The following KHDRBS3 variants were observed in gnomAD, a reference collection of about 807,000 sequenced individuals.
KHDRBS3 encodes the protein KH RNA binding domain containing, signal transduction associated 3.
A neutral mutation model predicts 45.6 loss-of-function variants in KHDRBS3; 23 were observed. The observed-to-expected ratio is 0.50, with a 90% CI of 0.36 to 0.72. The LOEUF is 0.72. KHDRBS3 is among the 30% of genes least tolerant of loss of function. The pLI, the probability that KHDRBS3 is intolerant of heterozygous loss-of-function variation, is 0.00. For missense variants in KHDRBS3, 352 were observed against 424.8 expected (o/e 0.83, Z 1.51); for synonymous variants, 162 against 156.5 (o/e 1.04, Z -0.26).
chr8:135,634,408 T>G (rs1400408028), intron 7 of KHDRBS3, among the ~76,000 whole-genome samples: 1 of 152,230 alleles, frequency 6.6e-6, no homozygotes, highest in African/African-American at 2.4e-5. Context: ...CTGATAGGAT[T>G]GCTGAATCTT....
At position 135,528,212 on chromosome 8, in the gene KHDRBS3, T is replaced by C. The variant is rs565252805; in HGVS notation, c.207+6857T>C. Among the ~76,000 whole-genome samples the C allele has an allele frequency of 1.2e-4, 18 of 152,358 alleles. 1 individual carries two copies. The South Asian group carries it at 3.5e-3, about 30-fold the overall frequency. On this transcript the variant is annotated intron_variant, in intron 2 of 8. Coordinates refer to ENST00000355849, the MANE Select transcript of KHDRBS3 (RefSeq NM_006558.3). ...GAATCTGAATGTTGGGAATGTGATA[T>C]ATTTGTTCTCTTCATATAAATGGTT... is the stretch of plus-strand genomic sequence containing the variant.
intron 8 of KHDRBS3, among the ~76,000 whole-genome samples, chr8:135,645,992 A>ATTTTTTTTTTTTTTTTT (rs57082119): frequency 2.0e-5 from 2 of 100,688 alleles, no homozygotes; most frequent in Non-Finnish European, 3.7e-5. Flanking sequence ...TGCACCTTGG[A>ATTTTTTTTTTTTTTTTT]TTTTTTTTTT....
intron 1 of KHDRBS3, among the ~76,000 whole-genome samples, chr8:135,518,260 G>A (rs911433869): frequency 3.3e-5 from 5 of 151,956 alleles, no homozygotes; most frequent in African/African-American, 4.8e-5. Flanking sequence ...TGCAAGCTCC[G>A]CCTCCCGTGT....
intron 7 of KHDRBS3, among the ~76,000 whole-genome samples, chr8:135,630,797 G>C (rs185854254): frequency 2.0e-5 from 3 of 152,262 alleles, no homozygotes; most frequent in Admixed American, 2.0e-4. Flanking sequence ...TGGTACACCT[G>C]TATAAGGCAC....
chr8:135,505,357 A>G (rs970629512), intron 1 of KHDRBS3, among the ~76,000 whole-genome samples: 3 of 152,100 alleles, frequency 2.0e-5, no homozygotes, highest in African/African-American at 7.2e-5. Flanking sequence ...TGGCCTGTCT[A>G]CCACTTCCCT....
chr8:135,652,729 G>A (rs889437152), intron 4 of KHDRBS3, among the ~76,000 whole-genome samples: 10 of 152,146 alleles, frequency 6.6e-5, no homozygotes, highest in Admixed American at 5.2e-4. Flanking sequence ...TGCCATCTTC[G>A]CAGCTCTACT....
chr8:135,462,050 C>T (rs868448161), intron 1 of KHDRBS3, among the ~76,000 whole-genome samples: 108 of 152,096 alleles, frequency 7.1e-4, no homozygotes, highest in African/African-American at 2.3e-3. Context: ...TTTGGGGACC[C>T]CTTTTGGAAA....
chr8:135,649,198 T>C (rs1055134668), downstream of KHDRBS3, among the ~76,000 whole-genome samples: 1 of 152,222 alleles, frequency 6.6e-6, no homozygotes, highest in East Asian at 1.9e-4. Flanking sequence ...TGATTTTTTT[T>C]CTAAAGCATC....
intron 1 of KHDRBS3, among the ~76,000 whole-genome samples, chr8:135,470,546 C>G (rs1404075306): frequency 6.6e-6 from 1 of 150,662 alleles, no homozygotes. Flanking sequence ...TTTCTCATCC[C>G]TTTTTCCCCC....
chr8:135,458,735 G>A (rs1467449347), intron 1 of KHDRBS3: 1 of 398,454 alleles, frequency 2.5e-6, no homozygotes, highest in East Asian at 7.1e-5. Context: ...GTTCGGAATA[G>A]TGGTGAAGGG....
Position 135,640,197 on chromosome 8 carries a change from A to G in KHDRBS3, c.891-4862A>G, listed in dbSNP as rs149027055. 3.3e-5 allele frequency among the ~76,000 whole-genome samples: 5 copies of G among 152,292 alleles called. No homozygotes were observed. The East Asian group carries it at 9.7e-4, about 29-fold the overall frequency. On this transcript the variant is annotated intron_variant, in intron 7 of 8. Coordinates refer to ENST00000355849, the MANE Select transcript of KHDRBS3 (RefSeq NM_006558.3). ...GCAGAATTTTAGGTGTGCTAAAGAC[A>G]AAGAGCAACGTAGTGATTTAGAGCT... is the stretch of plus-strand genomic sequence containing the variant.
At chr8:135,625,158 C>A in intron 7 of KHDRBS3, 1 of 1,293,632 alleles carries the variant, frequency 7.7e-7, no homozygotes, top group Non-Finnish European at 1.1e-6. Flanking sequence ...GTGAAGAATT[C>A]AGATGTTGCT....
chr8:135,568,727 ATG>A, intron 5 of KHDRBS3, among the ~76,000 whole-genome samples: 1 of 152,214 alleles, frequency 6.6e-6, no homozygotes, highest in Non-Finnish European at 1.5e-5. Context: ...GAAACAATCA[ATG>A]GAAACCTGTT....
chr8:135,649,874 A>T (rs1422081932), downstream of KHDRBS3, among the ~76,000 whole-genome samples: 1 of 152,112 alleles, frequency 6.6e-6, no homozygotes, highest in Admixed American at 6.6e-5. Context: ...CTGTAAAAGG[A>T]ATTGTGACCC....
rs367702106 is a variant in KHDRBS3, at chr8:135,542,683, A to C, written c.237A>C (p.Pro79=). Residue 79 remains proline (P), a synonymous_variant, in exon 3 of 9, where the codon CCA becomes CCC. Coordinates refer to ENST00000355849, the MANE Select transcript of KHDRBS3 (RefSeq NM_006558.3). ...ACTTTGTGGGGAAACTTTTGGGTCC[A>C]CGTGGCAATTCTCTGAAGCGTTTAC... ...KFNFVGKLLG[P]RGNSLKRLQE... 25 of 1,613,802 alleles carry C rather than the reference A, an allele frequency of 1.5e-5. No homozygotes were observed. Among genetic ancestry groups the C allele is most frequent in the Non-Finnish European group, 2.0e-5 (24 of 1,179,744 alleles).
chr8:135,501,879 T>G (rs1823752851), intron 1 of KHDRBS3, among the ~76,000 whole-genome samples: 1 of 152,180 alleles, frequency 6.6e-6, no homozygotes, highest in Admixed American at 6.5e-5. Context: ...GTCCTTGGCC[T>G]TATAACGTAT....
At chr8:135,518,275 G>A (rs935551976) in intron 1 of KHDRBS3, among the ~76,000 whole-genome samples, 6 of 152,120 alleles carry the variant, frequency 3.9e-5, no homozygotes, top group Non-Finnish European at 5.9e-5. Context: ...CCGTGTTCAT[G>A]CCATTCTCCT....
chr8:135,581,013 T>C (rs979843185), intron 5 of KHDRBS3, among the ~76,000 whole-genome samples: 4 of 152,230 alleles, frequency 2.6e-5, no homozygotes, highest in African/African-American at 9.6e-5. Context: ...AGTCCAGCTT[T>C]GGGTTTTGAT....
At position 135,457,501 on chromosome 8, in the gene KHDRBS3, CGG is replaced by C. The variant is rs997471612; in HGVS notation, c.-364_-363del. 3 of 146,978 alleles carry C rather than the reference CGG, an allele frequency of 2.0e-5. No homozygotes were observed. Among genetic ancestry groups the C allele is most frequent in the African/African-American group, 7.4e-5 (3 of 40,794 alleles). 9.1% of individuals were successfully genotyped at this position (146,978 alleles called of 1,614,324 possible). A position where few individuals can be genotyped will look rare whatever the true frequency, so the allele number is the denominator to read the frequency against. ...CGGCGTGCAGGTCGCAGCTGTGGCT[CGG>C]GTGCTGGCAGGTGCTGGCGGGACTG... is the stretch of plus-strand genomic sequence containing the variant. On this transcript the variant is annotated 5_prime_UTR_variant, in exon 1 of 9. Transcript: ENST00000355849. This position sits in a 1 kb window ranked among gnomAD's most constrained non-coding sequence, Gnocchi z 4.4.
Sources: gnomAD v4.1 joint callset for allele counts (sites outside exome capture counted in the v4.1 genomes callset) on GRCh38, gnomAD v4.1.1 for gene constraint, Gnocchi (gnomAD v3.1) non-coding constraint, MANE v1.5 for transcripts, NCBI Gene and HGNC (gene_info 2026-07-23, HGNC 2026-07-21) for gene names.